EOGT: variants seen among roughly 807,000 people sequenced by gnomAD.
EOGT encodes the protein EGF domain-specific O-linked N-acetylglucosamine transferase.
In EOGT, 55 loss-of-function variants were observed where a neutral mutation model predicts 70.5. That is an observed-to-expected ratio of 0.78 (90% confidence interval 0.63 to 0.98). The LOEUF is 0.98. Ranked by LOEUF, EOGT falls within the 50% of genes least tolerant of loss-of-function variation. EOGT has a pLI of 0.00. For synonymous variants in EOGT, 246 were observed against 217.1 expected, an observed-to-expected ratio of 1.13 and a Z score of -1.17; for missense variants, 703 against 641.9, an observed-to-expected ratio of 1.10 and a Z score of -1.03.
Position 68,997,989 on chromosome 3 carries a change from C to T in EOGT, c.831+22G>A, listed in dbSNP as rs765696617. ...ATACAAGGGAAAGACAGTACTGAAG[C>T]GGAGAGCACATTCTTACTTACGGTG... On this transcript the variant is annotated intron_variant, in intron 10 of 17. Coordinates refer to ENST00000383701, the MANE Select transcript of EOGT (RefSeq NM_001278689.2). 8 of 1,326,088 alleles carry T rather than the reference C, an allele frequency of 6.0e-6. No individual in the cohort carries two copies. In the South Asian group the frequency reaches 7.8e-5, roughly 13 times the overall value. 82.1% of individuals were successfully genotyped at this position (1,326,088 alleles called of 1,614,324 possible). A position where few individuals can be genotyped will look rare whatever the true frequency, so the allele number is the denominator to read the frequency against.
intron 16 of EOGT, 111 bp downstream of exon 16, chr3:68,979,557 C>T: frequency 8.2e-7 from 1 of 1,217,064 alleles, no homozygotes; most frequent in South Asian, 1.7e-5. Context: ...GATGTGACTT[C>T]TCTTTTTGAA....
chr3:68,979,033 C>G (rs141085029), intron 16 of EOGT, among the ~76,000 whole-genome samples: 2 of 152,202 alleles, frequency 1.3e-5, no homozygotes, highest in African/African-American at 4.8e-5. Flanking sequence ...AATACAGAGT[C>G]AAATCACTTT....
intron 6 of EOGT, 36 bp from the exon 7 acceptor site, chr3:69,005,270 T>TCTTTGCTGTGTTA: frequency 8.2e-7 from 1 of 1,226,978 alleles, no homozygotes; most frequent in Non-Finnish European, 1.2e-6. Context: ...TGACTCTGAG[T>TCTTTGCTGTGTTA]ATTAACACAG....
chr3:68,991,806 G>C (rs2107254247), intron 10 of EOGT, among the ~76,000 whole-genome samples: 1 of 152,174 alleles, frequency 6.6e-6, no homozygotes, highest in East Asian at 1.9e-4. Context: ...AGAAAAAGAA[G>C]TTTAACTGGA....
intron 16 of EOGT, among the ~76,000 whole-genome samples, chr3:68,978,752 A>G (rs547806079): frequency 6.6e-6 from 1 of 152,312 alleles, no homozygotes; most frequent in East Asian, 1.9e-4. Flanking sequence ...CAAGGGGGAT[A>G]GGTAACACTT....
At position 68,988,923 on chromosome 3, in the gene EOGT, AC is replaced by A. The variant is rs1559594714; in HGVS notation, c.924+1del. 2 of 1,490,242 alleles carry A rather than the reference AC, an allele frequency of 1.3e-6. No homozygotes were observed. Among genetic ancestry groups the A allele is most frequent in the East Asian group, 2.5e-5 (1 of 40,498 alleles). 92.3% of individuals were successfully genotyped at this position (1,490,242 alleles called of 1,614,324 possible). On this transcript the variant is annotated splice_donor_variant, in intron 11 of 17. Coordinates refer to ENST00000383701, the MANE Select transcript of EOGT (RefSeq NM_001278689.2). LOFTEE classifies it high-confidence loss of function. ...CAGACATTTCAGGAAAATTTCCAGT[AC>A]CCTTTTGGAATCATAAGTTTTCAAA...
At chr3:69,007,873 C>T in intron 5 of EOGT, 52 bp from the exon 6 acceptor site, 2 of 1,282,464 alleles carry the variant, frequency 1.6e-6, no homozygotes, top group South Asian at 2.6e-5. Flanking sequence ...TTTTTTGGAC[C>T]TTGAATTTTC....
In EOGT at chr3:68,979,700, A is replaced by G; in HGVS notation, c.1302T>C (p.Leu434=). 2 of 1,613,978 alleles carry G rather than the reference A, an allele frequency of 1.2e-6. No individual in the cohort carries two copies. Among genetic ancestry groups the G allele is most frequent in the East Asian group, 4.5e-5 (2 of 44,844 alleles). Residue 434 remains leucine, a synonymous_variant, in exon 16 of 18, where the codon CTT becomes CTC. Coordinates refer to ENST00000383701, the MANE Select transcript of EOGT (RefSeq NM_001278689.2). The stretch of plus-strand genomic sequence containing the variant: ...ATACAGCAGCCCAGTCTGGAAGGAA[A>G]AGTAAATGGGTCAGACCAGCTCCAT... ...GMHGAGLTHL[L]FLPDWAAVFE... is the part of the protein sequence containing the mutation.
At chr3:69,008,587 AT>A in intron 4 of EOGT, 59 bp from the exon 5 acceptor site, 1 of 1,218,352 alleles carries the variant, frequency 8.2e-7, no homozygotes, top group Non-Finnish European at 1.2e-6. Flanking sequence ...AGACTCTTAG[AT>A]TTTTCCATTA....
At chr3:69,002,879 G>C (rs7626366) in intron 8 of EOGT, among the ~76,000 whole-genome samples, 1,542 of 152,086 alleles carry the variant, frequency 0.01, 28 homozygotes, top group African/African-American at 0.035. Context: ...TGTTGCTCAG[G>C]CTGGTCTTGA....
At chr3:68,987,816 G>T in intron 13 of EOGT, 2 of 432,294 alleles carry the variant, frequency 4.6e-6, no homozygotes, top group South Asian at 7.0e-5. Context: ...ACCAATGAAG[G>T]GGGAAAGGAG....
chr3:69,007,971 T>C (rs1235128670), intron 5 of EOGT, 150 bp from the exon 6 acceptor site: 1 of 559,006 alleles, frequency 1.8e-6, no homozygotes, highest in Non-Finnish European at 3.2e-6. Flanking sequence ...TACGCCTCAC[T>C]ACATGAAGTT....
intron 10 of EOGT, 109 bp downstream of exon 10, chr3:68,997,902 G>A: frequency 1.5e-6 from 1 of 677,650 alleles, no homozygotes; most frequent in South Asian, 2.0e-5. Context: ...ATGTGCGGCT[G>A]TACATGTTGA....
At chr3:68,982,901 T>G in intron 14 of EOGT, 29 bp from the exon 15 acceptor site, 1 of 1,560,364 alleles carries the variant, frequency 6.4e-7, no homozygotes. Flanking sequence ...CATTTAGCAT[T>G]TCTTTTCCTT....
chr3:69,010,790 T>C (rs2091556277), intron 3 of EOGT, among the ~76,000 whole-genome samples: 1 of 152,210 alleles, frequency 6.6e-6, no homozygotes, highest in Admixed American at 6.5e-5. Context: ...GGGAGTGGGA[T>C]GGCTCTGAGC....
At chr3:68,992,701 T>C (rs1335946737) in intron 10 of EOGT, among the ~76,000 whole-genome samples, 2 of 152,212 alleles carry the variant, frequency 1.3e-5, no homozygotes, top group Non-Finnish European at 2.9e-5. Flanking sequence ...CAACCCCACA[T>C]TTCCCTTCCA....
At chr3:68,999,671 T>C (rs1575760065) in intron 9 of EOGT, among the ~76,000 whole-genome samples, 1 of 152,268 alleles carries the variant, frequency 6.6e-6, no homozygotes, top group African/African-American at 2.4e-5. Flanking sequence ...TATTTTCAAA[T>C]TAACAAGAAA....
At chr3:69,006,880 A>C (rs893142406) in intron 6 of EOGT, among the ~76,000 whole-genome samples, 6 of 152,236 alleles carry the variant, frequency 3.9e-5, no homozygotes, top group Non-Finnish European at 5.9e-5. Flanking sequence ...GCAGTCTTGG[A>C]GAAGTTGCTT....
chr3:68,998,478 T>C (rs576658640), intron 9 of EOGT, among the ~76,000 whole-genome samples: 5 of 152,328 alleles, frequency 3.3e-5, no homozygotes, highest in Admixed American at 1.3e-4. Flanking sequence ...TTCTTCTGAC[T>C]TTATTTATTT....
Sources: gnomAD v4.1 joint callset for allele counts (sites outside exome capture counted in the v4.1 genomes callset) on GRCh38, gnomAD v4.1.1 for gene constraint, MANE v1.5 for transcripts, NCBI Gene and HGNC (gene_info 2026-07-23, HGNC 2026-07-21) for gene names.